KDM6A: variants seen among roughly 807,000 people sequenced by gnomAD.
KDM6A encodes lysine-specific demethylase 6A.
In KDM6A, 11 loss-of-function variants were observed where a neutral mutation model predicts 117.6. The ratio of observed to expected loss-of-function variants is 0.09; its 90% CI spans 0.06 to 0.15. KDM6A has a LOEUF of 0.15. KDM6A is among the 10% of genes least tolerant of loss of function. KDM6A has a pLI of 1.00. For missense variants in KDM6A, 799 were observed against 1,077.3 expected (o/e 0.74, Z 3.62); for synonymous variants, 384 against 396.1 (o/e 0.97, Z 0.36).
intron 4 of KDM6A, among the ~76,000 whole-genome samples, chrX:44,975,612 AATT>A (rs1383263345): frequency 8.9e-6 from 1 of 112,107 alleles, no homozygotes; most frequent in Non-Finnish European, 1.9e-5. Flanking sequence ...CATGCTATAA[AATT>A]ATAGCTTTAT....
intron 7 of KDM6A, among the ~76,000 whole-genome samples, chrX:45,036,571 GA>G (rs1016222034): frequency 2.7e-5 from 3 of 111,815 alleles, no homozygotes; most frequent in African/African-American, 9.7e-5. Flanking sequence ...GGTTAGATTT[GA>G]AAAAATTGAC....
rs972777757 is a variant in KDM6A at position 45,112,165 on chromosome X, A to G, written c.*754A>G. The G allele has an allele frequency of 6.2e-6, 1 of 162,176 alleles. No homozygotes were observed. Among genetic ancestry groups the G allele is most frequent in the Admixed American group, 8.3e-5 (1 of 12,095 alleles). The allele number at this position is 162,176 out of a possible 1,213,427, so 13.4% of individuals were successfully genotyped here. A position where few individuals can be genotyped will look rare whatever the true frequency, so the allele number is the denominator to read the frequency against. On this transcript the variant is annotated 3_prime_UTR_variant, in exon 30 of 30. Coordinates refer to ENST00000611820, the MANE Select transcript of KDM6A (RefSeq NM_001291415.2). The stretch of plus-strand genomic sequence containing the variant: ...ATTTTAAGGAGTTCTGTAATTTCAA[A>G]CACTACTCCTATTACATTTTCTATG...
chrX:44,903,895 C>T (rs1347880191), intron 2 of KDM6A, among the ~76,000 whole-genome samples: 2 of 111,335 alleles, frequency 1.8e-5, no homozygotes, highest in Non-Finnish European at 3.8e-5. Flanking sequence ...TTTTTGTTTA[C>T]TTGAGGTCAT....
intron 2 of KDM6A, 42 bp from the exon 3 acceptor site, chrX:44,961,242 G>A (rs2147167187): frequency 1.0e-6 from 1 of 965,739 alleles, no homozygotes; most frequent in Non-Finnish European, 1.5e-6. Flanking sequence ...GTATTTTAGG[G>A]CTTTATTTTT....
At chrX:45,050,865 CAG>C (rs1056477881) in intron 8 of KDM6A, among the ~76,000 whole-genome samples, 1 of 111,140 alleles carries the variant, frequency 9.0e-6, no homozygotes, top group African/African-American at 3.3e-5. Flanking sequence ...TAGGCTGTAA[CAG>C]AGTTTTGATG....
chrX:45,071,799 C>T (rs772743291), intron 18 of KDM6A, among the ~76,000 whole-genome samples: 1 of 81,776 alleles, frequency 1.2e-5, no homozygotes, highest in African/African-American at 4.3e-5. Flanking sequence ...AAGACAGTTT[C>T]GCTCTTGTTG....
At chrX:45,053,669 C>T (rs764080886) in intron 9 of KDM6A, among the ~76,000 whole-genome samples, 160 bp from the exon 10 acceptor site, 1 of 111,858 alleles carries the variant, frequency 8.9e-6, no homozygotes, top group East Asian at 2.8e-4. Flanking sequence ...TTCTTAATGG[C>T]CAGAATTGGC....
At chrX:44,898,583 C>T (rs1233661522) in intron 2 of KDM6A, among the ~76,000 whole-genome samples, 2 of 111,293 alleles carry the variant, frequency 1.8e-5, no homozygotes, top group African/African-American at 6.5e-5. Context: ...CTGCTTCACG[C>T]AGCTTTATTA....
intron 6 of KDM6A, among the ~76,000 whole-genome samples, chrX:45,026,979 A>G (rs1254674784): frequency 9.0e-6 from 1 of 111,447 alleles, no homozygotes; most frequent in Admixed American, 9.6e-5. Context: ...TTAATAGTAT[A>G]TTTTTGTTAG....
chrX:45,101,730 C>CT lies in KDM6A; in HGVS notation c.4035-5677dup, dbSNP rs777027704. Among the ~76,000 whole-genome samples the CT allele has an allele frequency of 2.7e-5, 3 of 111,630 alleles. No individual in the cohort carries two copies. In the East Asian group the frequency reaches 8.4e-4, roughly 31 times the overall value. On this transcript the variant is annotated intron_variant, in intron 27 of 29. Transcript: ENST00000611820. The stretch of plus-strand genomic sequence containing the variant: ...TCTTTTTGGTGTGTTAACTATTATA[C>CT]TTTGAGTTGGCATTCATCATACAAT...
intron 6 of KDM6A, among the ~76,000 whole-genome samples, chrX:45,028,149 C>G (rs1188977271): frequency 1.8e-5 from 2 of 111,932 alleles, no homozygotes; most frequent in Non-Finnish European, 3.8e-5. Context: ...CCTGGAGTAA[C>G]AGCAACACCA....
chrX:44,942,406 T>A (rs980192347), intron 2 of KDM6A, among the ~76,000 whole-genome samples: 3 of 110,875 alleles, frequency 2.7e-5, no homozygotes, highest in African/African-American at 9.8e-5. Flanking sequence ...GGTCAGTTTC[T>A]GGGTTCTCTG....
chrX:44,886,778 AC>A (rs1197146692), intron 2 of KDM6A, among the ~76,000 whole-genome samples: 2 of 110,256 alleles, frequency 1.8e-5, no homozygotes, highest in East Asian at 5.7e-4. Context: ...GGCATGAGAC[AC>A]CGCGCCCGGC....
At chrX:44,886,963 G>A (rs1371660680) in intron 2 of KDM6A, among the ~76,000 whole-genome samples, 3 of 103,411 alleles carry the variant, frequency 2.9e-5, no homozygotes, top group African/African-American at 1.1e-4. Context: ...TGTAGGCAGG[G>A]TCTCACTGTC....
intron 2 of KDM6A, among the ~76,000 whole-genome samples, chrX:44,919,901 C>T (rs1384724443): frequency 2.7e-5 from 3 of 111,864 alleles, no homozygotes. Context: ...TGAGCCACCA[C>T]GCCTGGCCCA....
chrX:45,012,542 C>T (rs1326028129), intron 5 of KDM6A, among the ~76,000 whole-genome samples: 2 of 110,813 alleles, frequency 1.8e-5, no homozygotes, highest in Non-Finnish European at 3.8e-5. Flanking sequence ...TTTCAGAGTC[C>T]CTTCTGTGCT....
At chrX:44,950,679 A>C (rs2037946249) in intron 2 of KDM6A, among the ~76,000 whole-genome samples, 1 of 110,698 alleles carries the variant, frequency 9.0e-6, no homozygotes, top group African/African-American at 3.3e-5. Context: ...TTAGTAGTAA[A>C]CTAGCAACTT....
chrX:44,935,762 G>A (rs1025634152), intron 2 of KDM6A, among the ~76,000 whole-genome samples: 2 of 111,725 alleles, frequency 1.8e-5, no homozygotes, highest in African/African-American at 3.3e-5. Flanking sequence ...GCAGTTGTCC[G>A]CTAGGGAACT....
intron 5 of KDM6A, among the ~76,000 whole-genome samples, chrX:45,018,911 G>C (rs1252245722): frequency 9.0e-6 from 1 of 111,227 alleles, no homozygotes; most frequent in Admixed American, 9.6e-5. Context: ...ACAGAAAAAT[G>C]CATAAATCGT....
Sources: allele counts gnomAD v4.1 joint callset (sites outside exome capture counted in the v4.1 genomes callset), GRCh38; gene constraint gnomAD v4.1.1; transcripts MANE v1.5; gene names NCBI Gene and HGNC (gene_info 2026-07-23, HGNC 2026-07-21).